The following APLF variants were observed in gnomAD, a reference collection of about 807,000 sequenced individuals.
The protein encoded by APLF is aprataxin and PNKP like factor.
A neutral mutation model predicts 55.6 loss-of-function variants in APLF; 61 were observed. The observed-to-expected ratio is 1.10, with a 90% confidence interval of 0.89 to 1.36. The LOEUF (loss-of-function observed/expected upper bound fraction) is 1.36, where lower values mean the gene tolerates loss of function less well. Ranked by LOEUF, APLF falls within the 40% of genes most tolerant of loss-of-function variation. The probability of loss-of-function intolerance (pLI) is 0.00; values close to 1 mark genes in which losing one functional copy is unlikely to be tolerated. For missense variants in APLF, 611 were observed against 602.5 expected (o/e 1.01, Z -0.15); for synonymous variants, 207 against 214.8 (o/e 0.96, Z 0.32).
At chr2:68,531,963 C>G (rs1670269613) in intron 6 of APLF, among the ~76,000 whole-genome samples, 1 of 152,136 alleles carries the variant, frequency 6.6e-6, no homozygotes, top group Non-Finnish European at 1.5e-5. Flanking sequence ...TCCTTCCCTT[C>G]CTTGTGAGGA....
chr2:68,560,956 G>C (rs1481852211), intron 8 of APLF, among the ~76,000 whole-genome samples: 1 of 151,936 alleles, frequency 6.6e-6, no homozygotes, highest in Non-Finnish European at 1.5e-5. Context: ...ACTGACTTTC[G>C]AAAATGGAAT....
intron 8 of APLF, among the ~76,000 whole-genome samples, chr2:68,550,368 A>G (rs948584533): frequency 1.3e-5 from 2 of 151,906 alleles, no homozygotes; most frequent in Non-Finnish European, 2.9e-5. Context: ...AGTAGCTGGG[A>G]TTATAGGCAC....
At chr2:68,483,279 T>TGGGATTCTCCTGTAGTAAGGACTGC (rs1676021531) in intron 1 of APLF, among the ~76,000 whole-genome samples, 2 of 152,282 alleles carry the variant, frequency 1.3e-5, no homozygotes, top group Non-Finnish European at 2.9e-5. Context: ...GTAAGGACTG[T>TGGGATTCTCCTGTAGTAAGGACTGC]GGGATTCTCC....
intron 8 of APLF, among the ~76,000 whole-genome samples, chr2:68,546,089 G>C (rs1452275464): frequency 6.6e-6 from 1 of 152,080 alleles, no homozygotes; most frequent in Non-Finnish European, 1.5e-5. Flanking sequence ...AGAAGGCAAA[G>C]TAAGTTTCTA....
intron 3 of APLF, among the ~76,000 whole-genome samples, chr2:68,509,067 A>T (rs1676962503): frequency 6.6e-6 from 1 of 152,142 alleles, no homozygotes; most frequent in East Asian, 1.9e-4. Context: ...TACAAAAATT[A>T]ATTCGAGATG....
In APLF at chr2:68,551,651, T is replaced by A. The variant is rs561311165; in HGVS notation, c.1286+6339T>A. 5.2e-4 allele frequency among the ~76,000 whole-genome samples: 77 copies of A among 149,330 alleles called. 1 individual carries two copies. The South Asian group carries it at 0.016, about 31-fold the overall frequency. On this transcript the variant is annotated intron_variant, in intron 8 of 9. Transcript: ENST00000303795. ...ATTCTAATTTTGGTGGAACTATCCA[T>A]TTTTAATTCATTTTCCCCAATTTTC...
At chr2:68,576,285 C>T (rs767436593) in intron 9 of APLF, among the ~76,000 whole-genome samples, 3 of 152,098 alleles carry the variant, frequency 2.0e-5, no homozygotes, top group Non-Finnish European at 2.9e-5. Flanking sequence ...CGACTGCAAA[C>T]TGCCTTCCAA....
chr2:68,523,193 A>G (rs1174588301), intron 5 of APLF, among the ~76,000 whole-genome samples: 1 of 152,030 alleles, frequency 6.6e-6, no homozygotes, highest in Non-Finnish European at 1.5e-5. Flanking sequence ...ATACTACAGA[A>G]TAATAAATAC....
intron 2 of APLF, among the ~76,000 whole-genome samples, chr2:68,492,079 A>T (rs1472110566): frequency 6.6e-6 from 1 of 152,188 alleles, no homozygotes; most frequent in Non-Finnish European, 1.5e-5. Context: ...TTTATATTTT[A>T]AAATGTTTTA....
At chr2:68,509,139 A>C (rs1055398871) in intron 3 of APLF, among the ~76,000 whole-genome samples, 2 of 152,146 alleles carry the variant, frequency 1.3e-5, no homozygotes, top group African/African-American at 4.8e-5. Context: ...CCTAGGCAAT[A>C]CCATTCAGGA....
In APLF at chr2:68,473,276, T is replaced by TAC. The variant is rs1675676729; in HGVS notation, c.96+5451_96+5452dup. On this transcript the variant is annotated intron_variant, in intron 1 of 9. Coordinates refer to ENST00000303795, the MANE Select transcript of APLF (RefSeq NM_173545.3). ...ATGTCATAGAGTTGGAGTCATACAG[T>TAC]ACATAACCTTTTCAGGTTTCACTTA... is the stretch of plus-strand genomic sequence containing the variant. Among the ~76,000 whole-genome samples the TAC allele has an allele frequency of 2.6e-5, 4 of 152,328 alleles. No individual in the cohort carries two copies. The South Asian group carries it at 8.3e-4, about 32-fold the overall frequency.
chr2:68,477,347 A>T (rs1224527452), intron 1 of APLF, among the ~76,000 whole-genome samples: 2 of 152,164 alleles, frequency 1.3e-5, no homozygotes, highest in Non-Finnish European at 2.9e-5. Flanking sequence ...ATAAAAACAG[A>T]TCTCAGCTGG....
intron 6 of APLF, among the ~76,000 whole-genome samples, chr2:68,533,366 G>A (rs950277119): frequency 6.6e-6 from 1 of 152,122 alleles, no homozygotes; most frequent in Non-Finnish European, 1.5e-5. Flanking sequence ...GAGAACTCTT[G>A]TAAATGACAG....
chr2:68,576,607 T>A (rs897526167), intron 9 of APLF, among the ~76,000 whole-genome samples: 1 of 152,138 alleles, frequency 6.6e-6, no homozygotes. Flanking sequence ...AGCATTTTAT[T>A]ATTATAAGCT....
At chr2:68,481,166 T>C (rs1002094361) in intron 1 of APLF, among the ~76,000 whole-genome samples, 2 of 152,184 alleles carry the variant, frequency 1.3e-5, no homozygotes, top group African/African-American at 4.8e-5. Context: ...CTTTAATTTT[T>C]TGGAATAGGT....
At position 68,538,741 on chromosome 2, in the gene APLF, C is replaced by T. The variant is rs146087853; in HGVS notation, c.1160+514C>T. Among the ~76,000 whole-genome samples the T allele has an allele frequency of 8.6e-3, 1,188 of 138,016 alleles. 15 individuals are homozygous for T. The highest frequency in any genetic ancestry group is 0.029 in the African/African-American group (1,134 of 38,818). The allele number at this position is 138,016 out of a possible 152,430, so 90.5% of individuals were successfully genotyped here. On this transcript the variant is annotated intron_variant, in intron 7 of 9. Transcript: ENST00000303795. ...TCATTTATTTACACTGCCCTATATA[C>T]TCTAATTTCTTATTTTGAGAATTCA...
At chr2:68,497,472 A>G (rs756254245) in intron 2 of APLF, among the ~76,000 whole-genome samples, 58 of 151,932 alleles carry the variant, frequency 3.8e-4, no homozygotes, top group Non-Finnish European at 7.4e-4. Flanking sequence ...TGCTCCAGCA[A>G]TATAGGATTT....
intron 2 of APLF, among the ~76,000 whole-genome samples, chr2:68,497,651 C>G (rs1361013826): frequency 6.6e-6 from 1 of 151,692 alleles, no homozygotes; most frequent in Non-Finnish European, 1.5e-5. Context: ...GAGGTGCCCA[C>G]TCTGTATTAG....
chr2:68,547,789 T>C (rs918393650), intron 8 of APLF, among the ~76,000 whole-genome samples: 8 of 151,810 alleles, frequency 5.3e-5, no homozygotes, highest in Non-Finnish European at 8.9e-5. Flanking sequence ...GGTATGTCTT[T>C]ATTAGCAATG....
Sources: gnomAD v4.1 joint callset for allele counts (sites outside exome capture counted in the v4.1 genomes callset) on GRCh38, gnomAD v4.1.1 for gene constraint, MANE v1.5 for transcripts, NCBI Gene and HGNC (gene_info 2026-07-23, HGNC 2026-07-21) for gene names.